TMEM135: variants seen among roughly 807,000 people sequenced by gnomAD.
The protein encoded by TMEM135 is transmembrane protein 135.
A neutral mutation model predicts 60.3 loss-of-function variants in TMEM135; 30 were observed. The ratio of observed to expected loss-of-function variants is 0.50; its 90% CI spans 0.37 to 0.68. TMEM135 has a LOEUF of 0.68. Ranked by LOEUF, TMEM135 falls within the 30% of genes least tolerant of loss-of-function variation. The pLI, the probability that TMEM135 is intolerant of heterozygous loss-of-function variation, is 0.00. For synonymous variants in TMEM135, 190 were observed against 186.7 expected (o/e 1.02, Z -0.14); for missense variants, 468 against 548.8 (o/e 0.85, Z 1.47).
intron 5 of TMEM135, among the ~76,000 whole-genome samples, chr11:87,158,769 T>G (rs1394642500): frequency 2.0e-5 from 3 of 152,174 alleles, no homozygotes; most frequent in African/African-American, 7.2e-5. Context: ...CGGCCTAACC[T>G]TGGTATAATT....
At chr11:87,307,220 A>T (rs947666940) in intron 9 of TMEM135, among the ~76,000 whole-genome samples, 4 of 152,170 alleles carry the variant, frequency 2.6e-5, no homozygotes, top group African/African-American at 9.7e-5. Flanking sequence ...TCTATGGCCC[A>T]GTGTTGACAG....
intron 4 of TMEM135, among the ~76,000 whole-genome samples, chr11:87,098,298 T>G (rs1161882898): frequency 2.0e-5 from 3 of 152,214 alleles, no homozygotes; most frequent in Non-Finnish European, 4.4e-5. Flanking sequence ...TAAACCTAGA[T>G]GTTTATTTTA....
chr11:87,117,023 A>G (rs891333350), intron 4 of TMEM135, among the ~76,000 whole-genome samples: 30 of 152,182 alleles, frequency 2.0e-4, no homozygotes, highest in Admixed American at 1.0e-3. Context: ...GGGTTTCACC[A>G]TGTTGGTCAG....
chr11:87,266,988 G>C (rs1941762189), intron 6 of TMEM135, among the ~76,000 whole-genome samples: 1 of 152,180 alleles, frequency 6.6e-6, no homozygotes, highest in Admixed American at 6.5e-5. Context: ...TGGAGGTGAT[G>C]TAAGAACTGA....
Position 87,325,054 on chromosome 11 carries a change from C to A in TMEM135, c.*3721C>A. On this transcript the variant is annotated 3_prime_UTR_variant, in exon 15 of 15. Coordinates refer to ENST00000305494, the MANE Select transcript of TMEM135 (RefSeq NM_022918.4). ...AGCCCTTTACTATTGGTGCTGAAGC[C>A]ACCATTGGTGCCAGCTCTATAATTT... 1 of 453,952 alleles carries A rather than the reference C, an allele frequency of 2.2e-6. No homozygotes were observed. The highest frequency in any genetic ancestry group is 4.4e-6 in the Non-Finnish European group (1 of 226,762). The allele number at this position is 453,952 out of a possible 1,614,324, so 28.1% of individuals were successfully genotyped here. A position where few individuals can be genotyped will look rare whatever the true frequency, so the allele number is the denominator to read the frequency against.
chr11:87,143,909 G>A (rs1009392114), intron 4 of TMEM135, among the ~76,000 whole-genome samples: 8 of 152,292 alleles, frequency 5.3e-5, no homozygotes, highest in African/African-American at 1.9e-4. Context: ...CAAAAACTAA[G>A]TTCTTACATT....
At chr11:87,146,071 T>C (rs532104572) in intron 4 of TMEM135, among the ~76,000 whole-genome samples, 3 of 152,368 alleles carry the variant, frequency 2.0e-5, no homozygotes, top group African/African-American at 7.2e-5. Context: ...GGCCTATGTT[T>C]AAGTCTTTAA....
chr11:87,239,495 A>G (rs905846871), intron 6 of TMEM135, among the ~76,000 whole-genome samples: 1 of 152,044 alleles, frequency 6.6e-6, no homozygotes. Flanking sequence ...TTAAAATTAA[A>G]TTTTATTATA....
intron 8 of TMEM135, 59 bp downstream of exon 8, chr11:87,302,501 A>G: frequency 1.2e-6 from 2 of 1,604,672 alleles, no homozygotes; most frequent in Non-Finnish European, 1.7e-6. Flanking sequence ...TGATATTTGT[A>G]CCATGCCAAG....
At chr11:87,308,646 G>A (rs2135446749) in intron 9 of TMEM135, among the ~76,000 whole-genome samples, 1 of 152,166 alleles carries the variant, frequency 6.6e-6, no homozygotes, top group African/African-American at 2.4e-5. Flanking sequence ...ACAATGTATT[G>A]GTTGAACTGT....
Position 87,085,133 on chromosome 11 carries a change from G to C in TMEM135, c.363-6229G>C, listed in dbSNP as rs569550762. 5.9e-5 allele frequency among the ~76,000 whole-genome samples: 9 copies of C among 152,312 alleles called. No homozygotes were observed. In the East Asian group the frequency reaches 1.7e-3, roughly 29 times the overall value. On this transcript the variant is annotated intron_variant, in intron 3 of 14. Coordinates refer to ENST00000305494, the MANE Select transcript of TMEM135 (RefSeq NM_022918.4). Reference sequence around the variant, plus strand: ...TGAAGAAGTGATAAATTATTGGTCTGATATAGTACAGTTATAAAGTTGACA... The same window carrying C: ...TGAAGAAGTGATAAATTATTGGTCTCATATAGTACAGTTATAAAGTTGACA...
rs1056001828 is a variant in TMEM135 at position 87,083,926 on chromosome 11, T to C, written c.363-7436T>C. 4.6e-5 allele frequency among the ~76,000 whole-genome samples: 7 copies of C among 152,252 alleles called. No individual in the cohort carries two copies. In the East Asian group the frequency reaches 5.8e-4, roughly 13 times the overall value. The stretch of plus-strand genomic sequence containing the variant: ...AATTTTCACTTTCTTTTATTTCTAA[T>C]ATCTCCTTATTTATAGAACATATAA... On this transcript the variant is annotated intron_variant, in intron 3 of 14. Transcript: ENST00000305494.
chr11:87,071,622 T>A lies in TMEM135; in HGVS notation c.362+7T>A, dbSNP rs747861886. 2 of 1,612,102 alleles carry A rather than the reference T, an allele frequency of 1.2e-6. No individual in the cohort carries two copies. Among genetic ancestry groups the A allele is most frequent in the South Asian group, 2.2e-5 (2 of 90,836 alleles). On this transcript the variant is annotated splice_region_variant and intron_variant, in intron 3 of 14. Transcript: ENST00000305494. The stretch of plus-strand genomic sequence containing the variant: ...TCATTGAAAGAAAAAGCAGGTAAAA[T>A]TTCATATATTTATTTAACGGAACTG...
chr11:87,150,268 A>G (rs1938525154), intron 4 of TMEM135, among the ~76,000 whole-genome samples: 1 of 151,838 alleles, frequency 6.6e-6, no homozygotes, highest in South Asian at 2.1e-4. Context: ...TGCAAAGGTT[A>G]CAGAAAACAG....
chr11:87,077,843 A>T (rs1291834447), intron 3 of TMEM135, among the ~76,000 whole-genome samples: 1 of 152,238 alleles, frequency 6.6e-6, no homozygotes, highest in Non-Finnish European at 1.5e-5. Flanking sequence ...ATGGAGTCAT[A>T]CAATATGTGT....
chr11:87,153,235 A>G (rs566046), intron 4 of TMEM135, among the ~76,000 whole-genome samples: 55,911 of 151,994 alleles, frequency 0.37, 10,822 homozygotes, highest in East Asian at 0.67. Context: ...TTCTTGTCTC[A>G]GCCATCATGC....
chr11:87,096,007 C>T, intron 4 of TMEM135: 1 of 208,346 alleles, frequency 4.8e-6, no homozygotes, highest in Non-Finnish European at 1.0e-5. Context: ...TGGTAATCTG[C>T]AATTTGGGAT....
chr11:87,285,071 C>A (rs1591168306), intron 6 of TMEM135, among the ~76,000 whole-genome samples: 1 of 151,988 alleles, frequency 6.6e-6, no homozygotes, highest in Non-Finnish European at 1.5e-5. Flanking sequence ...TTTTTCAAAA[C>A]AAAACAAAAA....
At chr11:87,319,510 C>T (rs944904648) in intron 14 of TMEM135, 133 bp downstream of exon 14, 12 of 678,414 alleles carry the variant, frequency 1.8e-5, no homozygotes, top group African/African-American at 9.3e-5. Flanking sequence ...TAACATGGGG[C>T]GTTTTTTGAG....
Sources: allele counts gnomAD v4.1 joint callset (sites outside exome capture counted in the v4.1 genomes callset), GRCh38; gene constraint gnomAD v4.1.1; transcripts MANE v1.5; gene names NCBI Gene and HGNC (gene_info 2026-07-23, HGNC 2026-07-21).